TTC19: variants seen among roughly 807,000 people sequenced by gnomAD.
TTC19 encodes the protein tetratricopeptide repeat domain 19, also known as tetratricopeptide repeat protein 19, mitochondrial.
In TTC19, 38 loss-of-function variants were observed where a neutral mutation model predicts 49.5. That is an observed-to-expected ratio of 0.77 (90% confidence interval 0.59 to 1.01). TTC19 has a LOEUF of 1.01. Ranked by LOEUF, TTC19 falls within the 50% of genes least tolerant of loss-of-function variation. The probability of loss-of-function intolerance (pLI) is 0.00; values close to 1 mark genes in which losing one functional copy is unlikely to be tolerated. For synonymous variants in TTC19, 204 were observed against 185.2 expected (o/e 1.10, Z -0.83); for missense variants, 475 against 477.7 (o/e 0.99, Z 0.05).
chr17:16,018,688 CAT>C (rs1971283629), intron 7 of TTC19, among the ~76,000 whole-genome samples: 1 of 151,862 alleles, frequency 6.6e-6, no homozygotes, highest in Non-Finnish European at 1.5e-5. Flanking sequence ...CGGATTTTTT[CAT>C]AGAGGCGGAG....
intron 2 of TTC19, among the ~76,000 whole-genome samples, chr17:16,001,623 G>C (rs774185801): frequency 3.9e-5 from 6 of 152,184 alleles, no homozygotes; most frequent in Non-Finnish European, 8.8e-5. Flanking sequence ...AAATTAGAAA[G>C]AGGATGGAGG....
chr17:16,021,833 C>T (rs957343998), intron 7 of TTC19, among the ~76,000 whole-genome samples: 2 of 152,176 alleles, frequency 1.3e-5, no homozygotes, highest in Admixed American at 6.5e-5. Context: ...TTGGATTATA[C>T]ATTCATCTTC....
At chr17:16,033,322 C>T (rs1168591390), downstream of TTC19, among the ~76,000 whole-genome samples, 4 of 133,142 alleles carry the variant, frequency 3.0e-5, no homozygotes, top group Non-Finnish European at 3.1e-5. Context: ...GCAACAAGAA[C>T]GAAACTCCGT....
intron 7 of TTC19, among the ~76,000 whole-genome samples, chr17:16,014,061 C>G (rs931923073): frequency 6.6e-6 from 1 of 152,152 alleles, no homozygotes; most frequent in East Asian, 1.9e-4. Flanking sequence ...TTGGCTTTTT[C>G]CCCATGCTCC....
Position 16,014,797 on chromosome 17 carries a change from C to G in TTC19, c.676+8229C>G, listed in dbSNP as rs1339091454. Among the ~76,000 whole-genome samples the G allele has an allele frequency of 2.0e-5, 3 of 152,308 alleles. No individual in the cohort carries two copies. The East Asian group carries it at 5.8e-4, about 29-fold the overall frequency. On this transcript the variant is annotated intron_variant, in intron 7 of 9. Transcript: ENST00000261647. Reference sequence around the variant, plus strand: ...AATTGTTTCCTTCCAGAGAGTTATACTACTGTCTCCCTTCCCCACCCTTTA... The same window carrying G: ...AATTGTTTCCTTCCAGAGAGTTATAGTACTGTCTCCCTTCCCCACCCTTTA...
rs1443482843 is a variant in TTC19 at position 16,028,366 on chromosome 17, A to C, written c.*844A>C. The C allele has an allele frequency of 6.6e-6, 3 of 454,084 alleles. No individual in the cohort carries two copies. The Admixed American group carries it at 7.0e-5, about 11-fold the overall frequency. The allele number at this position is 454,084 out of a possible 1,614,324, so 28.1% of individuals were successfully genotyped here. A position where few individuals can be genotyped will look rare whatever the true frequency, so the allele number is the denominator to read the frequency against. ...TATTTTAAAACTCTTCGTAATTCTAATGTGTACTGCTGGTATAGCTGAACT... is the reference window on the plus strand; with the variant it reads ...TATTTTAAAACTCTTCGTAATTCTACTGTGTACTGCTGGTATAGCTGAACT... On this transcript the variant is annotated 3_prime_UTR_variant, in exon 10 of 10. Coordinates refer to ENST00000261647, the MANE Select transcript of TTC19 (RefSeq NM_017775.4).
intron 2 of TTC19, chr17:16,039,087 A>T: frequency 4.7e-6 from 1 of 210,600 alleles, no homozygotes; most frequent in East Asian, 1.1e-4. Flanking sequence ...TTTCTTTTCT[A>T]CTGAGCCTAA....
At chr17:16,030,717 G>A (rs574909127), downstream of TTC19, 10 of 179,536 alleles carry the variant, frequency 5.6e-5, no homozygotes, top group East Asian at 9.3e-4. Flanking sequence ...GAAGACAAAT[G>A]TGGGCTTATG....
At position 16,005,711 on chromosome 17, in the gene TTC19, A is replaced by G. The variant is rs527623020; in HGVS notation, c.582-763A>G. On this transcript the variant is annotated intron_variant, in intron 6 of 9. Coordinates refer to ENST00000261647, the MANE Select transcript of TTC19 (RefSeq NM_017775.4). The stretch of plus-strand genomic sequence containing the variant: ...CATTTCTGCAAAAGAAACTTTTATC[A>G]GAGACTTATAGCTTGAAAGAAATAT... Among the ~76,000 whole-genome samples the G allele has an allele frequency of 4.6e-5, 7 of 152,314 alleles. 1 individual carries two copies. The South Asian group carries it at 1.4e-3, about 32-fold the overall frequency.
rs1970749273 is a variant in TTC19 at position 16,001,945 on chromosome 17, G to C, written c.343G>C (p.Ala115Pro). Residue 115 changes from alanine to proline, a missense_variant, in exon 3 of 10, where the codon GCT becomes CCT. Coordinates refer to ENST00000261647, the MANE Select transcript of TTC19 (RefSeq NM_017775.4). Reference sequence around the variant, plus strand: ...CATTATGAAAGATGAGCCAGAAGAGGCTGAGTTAATTTTGCATGACGCTCT... The same window carrying C: ...CATTATGAAAGATGAGCCAGAAGAGCCTGAGTTAATTTTGCATGACGCTCT... Reference protein sequence around the residue: ...LSIMKDEPEEAELILHDALRL... With the variant: ...LSIMKDEPEEPELILHDALRL... 4 of 1,613,278 alleles carry C rather than the reference G, an allele frequency of 2.5e-6. No individual in the cohort carries two copies. Among genetic ancestry groups the C allele is most frequent in the Non-Finnish European group, 2.5e-6 (3 of 1,179,888 alleles).
chr17:16,028,836 A>C lies in TTC19; in HGVS notation c.*1314A>C, dbSNP rs1369633478. 3 of 376,508 alleles carry C rather than the reference A, an allele frequency of 8.0e-6. No homozygotes were observed. Among genetic ancestry groups the C allele is most frequent in the South Asian group, 2.0e-5 (1 of 51,212 alleles). 23.3% of individuals were successfully genotyped at this position (376,508 alleles called of 1,614,324 possible). A position where few individuals can be genotyped will look rare whatever the true frequency, so the allele number is the denominator to read the frequency against. On this transcript the variant is annotated 3_prime_UTR_variant, in exon 10 of 10. Transcript: ENST00000261647. ...CATTTCTCAAAAAAAAAAAAAAAAA[A>C]AAAAAAAAAACTTTCTGAAGAAAAT...
intron 3 of TTC19, 95 bp downstream of exon 3, chr17:16,002,120 A>G: frequency 1.2e-6 from 1 of 863,218 alleles, no homozygotes. Context: ...GACTTTCACG[A>G]TGTTCTAAAA....
intron 6 of TTC19, 147 bp downstream of exon 6, chr17:16,004,409 T>A: frequency 1.2e-6 from 1 of 815,210 alleles, no homozygotes; most frequent in Non-Finnish European, 2.1e-6. Flanking sequence ...TTTGAAATTG[T>A]CAGTCTTTTT....
In TTC19 at chr17:16,028,204, A is replaced by G. The variant is rs1191507699; in HGVS notation, c.*682A>G. ...GTTTATATAAAACTAAAAACTAAGA[A>G]TGATGTAACCTTTTGTCTGTGTTAT... On this transcript the variant is annotated 3_prime_UTR_variant, in exon 10 of 10. Transcript: ENST00000261647. 2.2e-6 allele frequency: 1 copy of G among 454,008 alleles called. No individual in the cohort carries two copies. The highest frequency in any genetic ancestry group is 4.4e-6 in the Non-Finnish European group (1 of 226,798). 28.1% of individuals were successfully genotyped at this position (454,008 alleles called of 1,614,324 possible).
At chr17:16,010,781 A>C (rs996520279) in intron 7 of TTC19, among the ~76,000 whole-genome samples, 3 of 152,062 alleles carry the variant, frequency 2.0e-5, no homozygotes, top group African/African-American at 7.2e-5. Context: ...CCCTATTTTC[A>C]ACTCTTAACC....
chr17:16,033,861 A>G (rs1409529146), downstream of TTC19, among the ~76,000 whole-genome samples: 2 of 152,008 alleles, frequency 1.3e-5, no homozygotes, highest in Admixed American at 6.6e-5. Context: ...GCTGGAGTGC[A>G]GTGGCGCAAT....
Position 16,028,840 on chromosome 17 carries a change from A to AAAAAAAAAAAAAAAAAAC in TTC19, c.*1324_*1325insAAAAAAAAAAACAAAAAA. The AAAAAAAAAAAAAAAAAAC allele has an allele frequency of 7.9e-6, 3 of 378,656 alleles. 1 individual carries two copies. The highest frequency in any genetic ancestry group is 1.5e-5 in the Non-Finnish European group (3 of 197,850). 23.5% of individuals were successfully genotyped at this position (378,656 alleles called of 1,614,324 possible). A position where few individuals can be genotyped will look rare whatever the true frequency, so the allele number is the denominator to read the frequency against. Reference sequence around the variant, plus strand: ...TCTCAAAAAAAAAAAAAAAAAAAAAAAAAAAACTTTCTGAAGAAAATAAAA... The same window carrying AAAAAAAAAAAAAAAAAAC: ...TCTCAAAAAAAAAAAAAAAAAAAAAAAAAAAAAAAAAAAAAAACAAAAAACTTTCTGAAGAAAATAAAA... On this transcript the variant is annotated 3_prime_UTR_variant, in exon 10 of 10. Coordinates refer to ENST00000261647, the MANE Select transcript of TTC19 (RefSeq NM_017775.4).
In TTC19 at chr17:16,028,494, G is replaced by GTATT. The variant is rs1308263300; in HGVS notation, c.*974_*977dup. The GTATT allele has an allele frequency of 2.2e-6, 1 of 453,904 alleles. No individual in the cohort carries two copies. Among genetic ancestry groups the GTATT allele is most frequent in the Admixed American group, 2.4e-5 (1 of 42,540 alleles). The allele number at this position is 453,904 out of a possible 1,614,324, so 28.1% of individuals were successfully genotyped here. A position where few individuals can be genotyped will look rare whatever the true frequency, so the allele number is the denominator to read the frequency against. ...GATTCTTTCTTAGCTGTGGGGGAAGGTATTTGGTTAGATGACTTTGAATGA... is the reference window on the plus strand; with the variant it reads ...GATTCTTTCTTAGCTGTGGGGGAAGGTATTTATTTGGTTAGATGACTTTGAATGA... On this transcript the variant is annotated 3_prime_UTR_variant, in exon 10 of 10. Coordinates refer to ENST00000261647, the MANE Select transcript of TTC19 (RefSeq NM_017775.4).
chr17:16,032,815 A>G, downstream of TTC19, among the ~76,000 whole-genome samples: 1 of 152,232 alleles, frequency 6.6e-6, no homozygotes, highest in East Asian at 1.9e-4. Context: ...GGTTATAGCA[A>G]GAGCTTTCTT....
Sources: gnomAD v4.1 joint callset for allele counts (sites outside exome capture counted in the v4.1 genomes callset) on GRCh38, gnomAD v4.1.1 for gene constraint, MANE v1.5 for transcripts, NCBI Gene and HGNC (gene_info 2026-07-23, HGNC 2026-07-21) for gene names.